PDF: variants seen among roughly 807,000 people sequenced by gnomAD.
PDF encodes the protein peptide deformylase, mitochondrial.
PDF carries 31 observed loss-of-function variants against 20.3 expected under a neutral mutation model. The observed-to-expected ratio is 1.52, with a 90% CI of 1.15 to 2.06. The LOEUF (loss-of-function observed/expected upper bound fraction) is 2.06, where lower values mean the gene tolerates loss of function less well. Ranked by LOEUF, PDF falls within the 30% of genes most tolerant of loss-of-function variation. The pLI, the probability that PDF is intolerant of heterozygous loss-of-function variation, is 0.00. For missense variants in PDF, 447 were observed against 362.5 expected, an observed-to-expected ratio of 1.23 and a Z score of -1.89; for synonymous variants, 254 against 172.0, an observed-to-expected ratio of 1.48 and a Z score of -3.73.
At position 69,330,536 on chromosome 16, in the gene PDF, G is replaced by A. The variant is rs960880193; in HGVS notation, c.35C>T (p.Pro12Leu). ...GCCCCACGGCACGGCCGCCCACAGT[G>A]GCCAAAGACTCAGCGCGCCCCACAG... ...ARLWGALSLW[P>L]LWAAVPWGGA... The change falls in exon 1 of 2, where the codon CCA becomes CTA. Residue 12 changes from proline to leucine, a missense_variant. Transcript: ENST00000288022. 4 of 1,478,410 alleles carry A rather than the reference G, an allele frequency of 2.7e-6. No homozygotes were observed. The highest frequency in any genetic ancestry group is 2.9e-5 in the African/African-American group (2 of 67,832). 91.6% of individuals were successfully genotyped at this position (1,478,410 alleles called of 1,614,324 possible).
In PDF at chr16:69,330,076, C is replaced by A; in HGVS notation, c.495G>T (p.Leu165=). The A allele has an allele frequency of 6.4e-7, 1 of 1,568,056 alleles. No homozygotes were observed. Among genetic ancestry groups the A allele is most frequent in the Non-Finnish European group, 8.6e-7 (1 of 1,159,092 alleles). ...NPSLRVLDSR[L]VTFPEGCESV... ...TCTCGCAGCCCTCGGGAAAGGTGAC[C>A]AGGCGGCTGTCAAGCACTCGCAGGC... The change falls in exon 1 of 2, where the codon CTG becomes CTT. Residue 165 remains leucine, a synonymous_variant. Transcript: ENST00000288022.
rs754804636 is a variant in PDF at position 69,330,113 on chromosome 16, A to G, written c.458T>C (p.Phe153Ser). 28 of 1,584,816 alleles carry G rather than the reference A, an allele frequency of 1.8e-5. No individual in the cohort carries two copies. The South Asian group carries it at 3.0e-4, about 17-fold the overall frequency. The change falls in exon 1 of 2, where the codon TTC becomes TCC. Residue 153 changes from phenylalanine (F) to serine (S), a missense_variant. Physicochemically the swap from Phe to Ser is radical, Grantham distance 155. Coordinates refer to ENST00000288022, the MANE Select transcript of PDF (RefSeq NM_022341.2). ...RQMEPFPLRV[F>S]VNPSLRVLDS... ...AAGCACTCGCAGGCTGGGGTTCACG[A>G]ACACGCGCAGGGGGAAGGGCTCCAT...
In PDF at chr16:69,330,503, GCCGCC is replaced by G; in HGVS notation, c.63_67del (p.Ala22SerfsTer139). On this transcript the variant is annotated frameshift_variant, in exon 1 of 2. Coordinates refer to ENST00000288022, the MANE Select transcript of PDF (RefSeq NM_022341.2). LOFTEE classifies it high-confidence loss of function. ...GCTGCAAGCCCGGACACCGACGGCT[GCCGCC>G]CCGCCCCACGGCACGGCCGCCCACA... 1 of 1,472,198 alleles carries G rather than the reference GCCGCC, an allele frequency of 6.8e-7. No individual in the cohort carries two copies. The allele number at this position is 1,472,198 out of a possible 1,614,324, so 91.2% of individuals were successfully genotyped here.
rs1238307366 is a variant in PDF, at chr16:69,330,430, G to A, written c.141C>T (p.Ser47=). The change falls in exon 1 of 2, where the codon TCC becomes TCT. Residue 47 remains serine, a synonymous_variant. Transcript: ENST00000288022. ...CCAGACGCCTCAGGTGGCGCCAATA[G>A]GAGCGCCGCAGCGCCGGGCCCTCGA... ...DGVEGPALRR[S]YWRHLRRLVL... is the part of the protein sequence containing the mutation. The A allele has an allele frequency of 3.4e-6, 5 of 1,476,148 alleles. No homozygotes were observed. The highest frequency in any genetic ancestry group is 1.5e-5 in the African/African-American group (1 of 68,212). 91.4% of individuals were successfully genotyped at this position (1,476,148 alleles called of 1,614,324 possible).
In PDF at chr16:69,330,068, A is replaced by G. The variant is rs918993779; in HGVS notation, c.503T>C (p.Phe168Ser). 2.6e-6 allele frequency: 4 copies of G among 1,562,498 alleles called. No individual in the cohort carries two copies. Among genetic ancestry groups the G allele is most frequent in the South Asian group, 1.2e-5 (1 of 85,102 alleles). Residue 168 changes from phenylalanine (F) to serine (S), a missense_variant, in exon 1 of 2, where the codon TTT becomes TCT. By Grantham distance (155) the Phe-to-Ser change is radical. Coordinates refer to ENST00000288022, the MANE Select transcript of PDF (RefSeq NM_022341.2). The part of the protein sequence containing the change: ...LRVLDSRLVT[F>S]PEGCESVAGF... ...GGCGACGCTCTCGCAGCCCTCGGGAAAGGTGACCAGGCGGCTGTCAAGCAC... is the reference window on the plus strand; with the variant it reads ...GGCGACGCTCTCGCAGCCCTCGGGAGAGGTGACCAGGCGGCTGTCAAGCAC...
At chr16:69,329,923 T>C in intron 1 of PDF, 74 bp downstream of exon 1, 1 of 1,444,406 alleles carries the variant, frequency 6.9e-7, no homozygotes, top group Non-Finnish European at 9.1e-7. Flanking sequence ...CCGCGACCAC[T>C]TCTGCGCTCT....
In PDF at chr16:69,328,983, G is replaced by T; in HGVS notation, c.*39C>A. On this transcript the variant is annotated 3_prime_UTR_variant, in exon 2 of 2. Coordinates refer to ENST00000288022, the MANE Select transcript of PDF (RefSeq NM_022341.2). ...CCCAGCTCAAAGTGAAAGTGTTTGC[G>T]TCTTGGTATCCGGAATCCTCAGCCC... 6.3e-7 allele frequency: 1 copy of T among 1,585,856 alleles called. No homozygotes were observed.
chr16:69,327,741 G>A lies in PDF; in HGVS notation c.*1281C>T, dbSNP rs1362780189. 2 of 152,060 alleles carry A rather than the reference G, an allele frequency of 1.3e-5. No individual in the cohort carries two copies. The highest frequency in any genetic ancestry group is 2.9e-5 in the Non-Finnish European group (2 of 68,032). 9.4% of individuals were successfully genotyped at this position (152,060 alleles called of 1,614,324 possible). ...ACTAAAACTGGAGTTTGGCTGGGTA[G>A]TGTGGCTCACAACTGATCCCAGCAC... On this transcript the variant is annotated 3_prime_UTR_variant, in exon 2 of 2. Coordinates refer to ENST00000288022, the MANE Select transcript of PDF (RefSeq NM_022341.2).
Position 69,328,728 on chromosome 16 carries a change from T to G in PDF, c.*294A>C, listed in dbSNP as rs567404644. 3.6e-4 allele frequency: 135 copies of G among 372,374 alleles called. 1 individual carries two copies. In the South Asian group the frequency reaches 4.2e-3, roughly 11 times the overall value. 23.1% of individuals were successfully genotyped at this position (372,374 alleles called of 1,614,324 possible). ...AGATTATACAGGTCCGAGGAACTCG[T>G]GTCTACTGCAGACGAATGCAATTAC... On this transcript the variant is annotated 3_prime_UTR_variant, in exon 2 of 2. Coordinates refer to ENST00000288022, the MANE Select transcript of PDF (RefSeq NM_022341.2).
Position 69,330,358 on chromosome 16 carries a change from C to T in PDF, c.213G>A (p.Gly71=), listed in dbSNP as rs1244979688. The T allele has an allele frequency of 6.8e-7, 1 of 1,476,128 alleles. No homozygotes were observed. Among genetic ancestry groups the T allele is most frequent in the Non-Finnish European group, 8.9e-7 (1 of 1,121,302 alleles). 91.4% of individuals were successfully genotyped at this position (1,476,128 alleles called of 1,614,324 possible). A position where few individuals can be genotyped will look rare whatever the true frequency, so the allele number is the denominator to read the frequency against. Residue 71 remains glycine, a synonymous_variant, in exon 1 of 2, where the codon GGG becomes GGA. Transcript: ENST00000288022. Reference sequence around the variant, plus strand: ...CCGCCACGCCGCGCAGCACCGGGTCCCCGACTTGGCACACGTGCGAGAACG... The same window carrying T: ...CCGCCACGCCGCGCAGCACCGGGTCTCCGACTTGGCACACGTGCGAGAACG... The part of the protein sequence containing the change: ...EPPFSHVCQV[G]DPVLRGVAAP...
rs2011680026 is a variant in PDF, at chr16:69,330,212, C to T, written c.359G>A (p.Arg120Gln). The change falls in exon 1 of 2, where the codon CGG becomes CAG. Residue 120 changes from arginine (R) to glutamine (Q), a missense_variant. Coordinates refer to ENST00000288022, the MANE Select transcript of PDF (RefSeq NM_022341.2). ...GLSAPQLGVPRQVLALELPEA... is the reference protein window; with the variant it reads ...GLSAPQLGVPQQVLALELPEA... The stretch of plus-strand genomic sequence containing the variant: ...GGGGAGCTCCAGCGCCAGCACCTGC[C>T]GCGGCACCCCCAGCTGCGGCGCGCT... The T allele has an allele frequency of 6.9e-7, 1 of 1,452,984 alleles. No individual in the cohort carries two copies. The highest frequency in any genetic ancestry group is 1.5e-5 in the African/African-American group (1 of 67,034). The allele number at this position is 1,452,984 out of a possible 1,614,324, so 90.0% of individuals were successfully genotyped here. A position where few individuals can be genotyped will look rare whatever the true frequency, so the allele number is the denominator to read the frequency against.
chr16:69,330,436 C>T lies in PDF; in HGVS notation c.135G>A (p.Arg45=), dbSNP rs2011710318. The part of the protein sequence containing the change: ...APDGVEGPAL[R]RSYWRHLRRL... The stretch of plus-strand genomic sequence containing the variant: ...GCCTCAGGTGGCGCCAATAGGAGCG[C>T]CGCAGCGCCGGGCCCTCGACGCCGT... The change falls in exon 1 of 2, where the codon CGG becomes CGA. Residue 45 remains arginine (R), a synonymous_variant. Coordinates refer to ENST00000288022, the MANE Select transcript of PDF (RefSeq NM_022341.2). The T allele has an allele frequency of 1.4e-6, 2 of 1,474,460 alleles. No homozygotes were observed. Among genetic ancestry groups the T allele is most frequent in the South Asian group, 2.6e-5 (2 of 78,016 alleles). 91.3% of individuals were successfully genotyped at this position (1,474,460 alleles called of 1,614,324 possible). A position where few individuals can be genotyped will look rare whatever the true frequency, so the allele number is the denominator to read the frequency against.
In PDF at chr16:69,327,690, G is replaced by A. The variant is rs1262484376; in HGVS notation, c.*1332C>T. The A allele has an allele frequency of 1.3e-5, 2 of 151,988 alleles. No individual in the cohort carries two copies. The highest frequency in any genetic ancestry group is 2.9e-5 in the Non-Finnish European group (2 of 68,006). 9.4% of individuals were successfully genotyped at this position (151,988 alleles called of 1,614,324 possible). A position where few individuals can be genotyped will look rare whatever the true frequency, so the allele number is the denominator to read the frequency against. On this transcript the variant is annotated 3_prime_UTR_variant, in exon 2 of 2. Coordinates refer to ENST00000288022, the MANE Select transcript of PDF (RefSeq NM_022341.2). Reference sequence around the variant, plus strand: ...AAGAATACCTACTTTACAAAACTCAGCATAAAAATGAGGTGAAACAGTTTA... The same window carrying A: ...AAGAATACCTACTTTACAAAACTCAACATAAAAATGAGGTGAAACAGTTTA...
intron 1 of PDF, 91 bp downstream of exon 1, chr16:69,329,906 G>T (rs538697979): frequency 8.1e-5 from 113 of 1,388,460 alleles, no homozygotes; most frequent in Admixed American, 5.6e-4. Context: ...GAGGTCCGGC[G>T]TATGAACCGC....
In PDF at chr16:69,329,195, C is replaced by T. The variant is rs747592972; in HGVS notation, c.575-16G>A. 1.3e-6 allele frequency: 2 copies of T among 1,581,834 alleles called. No homozygotes were observed. The highest frequency in any genetic ancestry group is 2.3e-5 in the South Asian group (2 of 87,314). The stretch of plus-strand genomic sequence containing the variant: ...GGGTCCAGCCCTGCAAAGGAAGTTA[C>T]AGCCCTGGTGAGTGGGAACAGCTGA... On this transcript the variant is annotated splice_polypyrimidine_tract_variant and intron_variant, in intron 1 of 1. Transcript: ENST00000288022.
In PDF at chr16:69,330,408, G is replaced by T. The variant is rs1018502478; in HGVS notation, c.163C>A (p.Leu55Met). ...GGCGGTTCGGGAGGACCCAGCACCA[G>T]ACGCCTCAGGTGGCGCCAATAGGAG... ...RRSYWRHLRRLVLGPPEPPFS... is the reference protein window; with the variant it reads ...RRSYWRHLRRMVLGPPEPPFS... The change falls in exon 1 of 2, where the codon CTG becomes ATG. Residue 55 changes from leucine (L) to methionine (M), a missense_variant. Coordinates refer to ENST00000288022, the MANE Select transcript of PDF (RefSeq NM_022341.2). 2.0e-6 allele frequency: 3 copies of T among 1,478,532 alleles called. No homozygotes were observed. The East Asian group carries it at 8.9e-5, about 44-fold the overall frequency. 91.6% of individuals were successfully genotyped at this position (1,478,532 alleles called of 1,614,324 possible). A position where few individuals can be genotyped will look rare whatever the true frequency, so the allele number is the denominator to read the frequency against.
chr16:69,330,413 C>T lies in PDF; in HGVS notation c.158G>A (p.Arg53Lys). The T allele has an allele frequency of 6.8e-7, 1 of 1,477,990 alleles. No individual in the cohort carries two copies. The highest frequency in any genetic ancestry group is 8.9e-7 in the Non-Finnish European group (1 of 1,122,362). 91.6% of individuals were successfully genotyped at this position (1,477,990 alleles called of 1,614,324 possible). A position where few individuals can be genotyped will look rare whatever the true frequency, so the allele number is the denominator to read the frequency against. ...ALRRSYWRHL[R>K]RLVLGPPEPP... ...TTCGGGAGGACCCAGCACCAGACGC[C>T]TCAGGTGGCGCCAATAGGAGCGCCG... Residue 53 changes from arginine (R) to lysine (K), a missense_variant, in exon 1 of 2, where the codon AGG (arginine) becomes AAG (lysine). Physicochemically the swap from Arg to Lys is conservative, Grantham distance 26. Transcript: ENST00000288022.
chr16:69,328,982 C>G lies in PDF; in HGVS notation c.*40G>C, dbSNP rs555436971. 3 of 1,585,014 alleles carry G rather than the reference C, an allele frequency of 1.9e-6. No individual in the cohort carries two copies. The highest frequency in any genetic ancestry group is 2.6e-6 in the Non-Finnish European group (3 of 1,172,224). ...GCCCAGCTCAAAGTGAAAGTGTTTGCGTCTTGGTATCCGGAATCCTCAGCC... is the reference window on the plus strand; with the variant it reads ...GCCCAGCTCAAAGTGAAAGTGTTTGGGTCTTGGTATCCGGAATCCTCAGCC... On this transcript the variant is annotated 3_prime_UTR_variant, in exon 2 of 2. Transcript: ENST00000288022.
chr16:69,330,402 G>C lies in PDF; in HGVS notation c.169C>G (p.Leu57Val). Residue 57 changes from leucine to valine, a missense_variant, in exon 1 of 2, where the codon CTG becomes GTG. Coordinates refer to ENST00000288022, the MANE Select transcript of PDF (RefSeq NM_022341.2). ...SYWRHLRRLV[L>V]GPPEPPFSHV... Reference sequence around the variant, plus strand: ...GAGAACGGCGGTTCGGGAGGACCCAGCACCAGACGCCTCAGGTGGCGCCAA... The same window carrying C: ...GAGAACGGCGGTTCGGGAGGACCCACCACCAGACGCCTCAGGTGGCGCCAA... 1 of 1,479,526 alleles carries C rather than the reference G, an allele frequency of 6.8e-7. No homozygotes were observed. Among genetic ancestry groups the C allele is most frequent in the Non-Finnish European group, 8.9e-7 (1 of 1,123,080 alleles). The allele number at this position is 1,479,526 out of a possible 1,614,324, so 91.6% of individuals were successfully genotyped here.
Sources: gnomAD v4.1 joint callset for allele counts on GRCh38, gnomAD v4.1.1 for gene constraint, MANE v1.5 for transcripts, NCBI Gene and HGNC (gene_info 2026-07-23, HGNC 2026-07-21) for gene names.